MALT1: variants seen among roughly 807,000 people sequenced by gnomAD.
MALT1 encodes the protein mucosa-associated lymphoid tissue lymphoma translocation protein 1.
In MALT1, 36 loss-of-function variants were observed where a neutral mutation model predicts 85.5. That is an observed-to-expected ratio of 0.42 (90% CI 0.32 to 0.56). The LOEUF is 0.56. MALT1 is among the 20% of genes least tolerant of loss of function. The probability of loss-of-function intolerance (pLI) is 0.10; values close to 1 mark genes in which losing one functional copy is unlikely to be tolerated. For synonymous variants in MALT1, 359 were observed against 361.3 expected, an observed-to-expected ratio of 0.99 and a Z score of 0.07; for missense variants, 716 against 981.6, an observed-to-expected ratio of 0.73 and a Z score of 3.62.
intron 10 of MALT1, among the ~76,000 whole-genome samples, chr18:58,732,091 G>C (rs970176099): frequency 6.6e-6 from 1 of 152,012 alleles, no homozygotes; most frequent in Admixed American, 6.5e-5. Flanking sequence ...TAGGAGTCGG[G>C]GCCATAATTA....
At chr18:58,676,414 C>T (rs950654909) in intron 1 of MALT1, among the ~76,000 whole-genome samples, 2 of 147,360 alleles carry the variant, frequency 1.4e-5, no homozygotes, top group African/African-American at 5.3e-5. Context: ...GTAAAAACAC[C>T]ATTAGCTACC....
intron 2 of MALT1, among the ~76,000 whole-genome samples, chr18:58,696,078 A>T (rs1159812544): frequency 6.6e-6 from 1 of 152,202 alleles, no homozygotes; most frequent in Non-Finnish European, 1.5e-5. Context: ...GGGGGAAAAA[A>T]GCTTCTAGAA....
chr18:58,711,001 C>T (rs1488024757), intron 7 of MALT1, 48 bp downstream of exon 7: 2 of 1,412,368 alleles, frequency 1.4e-6, no homozygotes, highest in Non-Finnish European at 1.9e-6. Context: ...ATGCTAGTTA[C>T]TCTTGGGATT....
At chr18:58,731,345 A>G (rs1385252062) in intron 10 of MALT1, among the ~76,000 whole-genome samples, 1 of 152,098 alleles carries the variant, frequency 6.6e-6, no homozygotes. Context: ...ATTTTCTCCC[A>G]TTGTGTGGGT....
At chr18:58,733,197 C>T (rs569202905) in intron 10 of MALT1, among the ~76,000 whole-genome samples, 200 bp from the exon 11 acceptor site, 7 of 152,278 alleles carry the variant, frequency 4.6e-5, no homozygotes, top group Middle Eastern at 3.4e-3. Context: ...AGGTGTGAGC[C>T]GTCATGCCTG....
chr18:58,689,345 T>C (rs1033786273), intron 2 of MALT1, among the ~76,000 whole-genome samples: 2 of 152,196 alleles, frequency 1.3e-5, no homozygotes, highest in African/African-American at 4.8e-5. Flanking sequence ...TTTTTCATTG[T>C]AACATAGATG....
chr18:58,690,319 G>C (rs147629787), intron 2 of MALT1: 1 of 152,364 alleles, frequency 6.6e-6, no homozygotes, highest in Admixed American at 6.5e-5. Flanking sequence ...GATCAGTATG[G>C]TGTTGGTGGT....
At chr18:58,732,309 A>G (rs2055161910) in intron 10 of MALT1, among the ~76,000 whole-genome samples, 1 of 152,110 alleles carries the variant, frequency 6.6e-6, no homozygotes, top group Non-Finnish European at 1.5e-5. Flanking sequence ...GTTGTTTTTT[A>G]CAGCCAAAAC....
chr18:58,743,855 A>C (rs2055332898), intron 14 of MALT1, among the ~76,000 whole-genome samples: 1 of 152,198 alleles, frequency 6.6e-6, no homozygotes, highest in African/African-American at 2.4e-5. Context: ...AATTGAAAAT[A>C]ATTTGTCCCA....
At chr18:58,724,953 T>G (rs999555351) in intron 10 of MALT1, among the ~76,000 whole-genome samples, 2 of 152,028 alleles carry the variant, frequency 1.3e-5, no homozygotes, top group African/African-American at 4.8e-5. Flanking sequence ...GAGACCCTCC[T>G]GTCCAACATG....
At position 58,709,496 on chromosome 18, in the gene MALT1, T is replaced by C; in HGVS notation, c.768T>C (p.Pro256=). The C allele has an allele frequency of 6.2e-7, 1 of 1,613,152 alleles. No homozygotes were observed. Among genetic ancestry groups the C allele is most frequent in the South Asian group, 1.1e-5 (1 of 90,896 alleles). The change falls in exon 5 of 17, where the codon CCT becomes CCC. Residue 256 remains proline (P), a synonymous_variant. Coordinates refer to ENST00000649217, the MANE Select transcript of MALT1 (RefSeq NM_006785.4). ...LQCVAVGSPI[P]HYQWFKNELP... is the part of the protein sequence containing the mutation. The stretch of plus-strand genomic sequence containing the variant: ...GTGTTGCTGTTGGAAGCCCTATTCC[T>C]CACTACCAGTGGTTCAAAAATGAAT...
Position 58,749,452 on chromosome 18 carries a change from C to T in MALT1, c.*1610C>T, listed in dbSNP as rs565329408. The stretch of plus-strand genomic sequence containing the variant: ...GAGCTTCTTGTACTACACAGAATTG[C>T]CCCTGCCATTTCCACCCTCCAGTCA... On this transcript the variant is annotated 3_prime_UTR_variant, in exon 17 of 17. Coordinates refer to ENST00000649217, the MANE Select transcript of MALT1 (RefSeq NM_006785.4). 6 of 215,812 alleles carry T rather than the reference C, an allele frequency of 2.8e-5. No homozygotes were observed. The Admixed American group carries it at 3.5e-4, about 13-fold the overall frequency. The allele number at this position is 215,812 out of a possible 1,614,324, so 13.4% of individuals were successfully genotyped here.
intron 8 of MALT1, among the ~76,000 whole-genome samples, chr18:58,715,005 A>C (rs1181811498): frequency 1.3e-5 from 2 of 152,162 alleles, no homozygotes; most frequent in African/African-American, 4.8e-5. Flanking sequence ...ATATAAGCAA[A>C]CTAGACACAG....
chr18:58,700,696 A>C (rs2054659109), intron 4 of MALT1, 105 bp downstream of exon 4: 1 of 944,422 alleles, frequency 1.1e-6, no homozygotes, highest in Non-Finnish European at 1.5e-6. Context: ...AAACATAGCA[A>C]AATTTCACAT....
At chr18:58,736,338 C>A (rs1191137213) in intron 13 of MALT1, among the ~76,000 whole-genome samples, 1 of 151,980 alleles carries the variant, frequency 6.6e-6, no homozygotes, top group Non-Finnish European at 1.5e-5. Context: ...GGGCTTTGGA[C>A]TTCCTGCCAC....
chr18:58,673,693 G>C (rs2054200498), intron 1 of MALT1, among the ~76,000 whole-genome samples: 1 of 152,156 alleles, frequency 6.6e-6, no homozygotes, highest in Non-Finnish European at 1.5e-5. Flanking sequence ...AGGTGATCCA[G>C]CCGCCTCAGT....
intron 8 of MALT1, 123 bp from the exon 9 acceptor site, chr18:58,715,812 A>T (rs981949844): frequency 1.4e-6 from 1 of 718,850 alleles, no homozygotes; most frequent in African/African-American, 1.8e-5. Context: ...TTTTATTAAA[A>T]ATCTGAAGAG....
chr18:58,731,820 C>A (rs202120662), intron 10 of MALT1, among the ~76,000 whole-genome samples: 1 of 136,530 alleles, frequency 7.3e-6, no homozygotes, highest in African/African-American at 2.6e-5. Context: ...CTCCTGATCT[C>A]CTGCTTAGAG....
At position 58,747,417 on chromosome 18, in the gene MALT1, T is replaced by G. The variant is rs1395912951; in HGVS notation, c.2050T>G (p.Phe684Val). 6.2e-7 allele frequency: 1 copy of G among 1,609,048 alleles called. No homozygotes were observed. The highest frequency in any genetic ancestry group is 1.7e-5 in the Admixed American group (1 of 59,748). The change falls in exon 17 of 17, where the codon TTC becomes GTC. Residue 684 changes from phenylalanine (F) to valine (V), a missense_variant. By Grantham distance (50) the Phe-to-Val change is conservative. Transcript: ENST00000649217. ...TTTTCCTTTTCAGGAACATCTAGTC[T>G]TCACAGTATGTTTATCATATCAGTA... is the stretch of plus-strand genomic sequence containing the variant. ...SLQKLKEHLV[F>V]TVCLSYQYSG...
Sources: allele counts gnomAD v4.1 joint callset (sites outside exome capture counted in the v4.1 genomes callset), GRCh38; gene constraint gnomAD v4.1.1; transcripts MANE v1.5; gene names NCBI Gene and HGNC (gene_info 2026-07-23, HGNC 2026-07-21).